The following SPIN1 variants were observed in gnomAD, a reference collection of about 807,000 sequenced individuals.
SPIN1 encodes spindlin 1.
Under a neutral mutation model 26.0 loss-of-function variants are expected in SPIN1, and 3 were observed. The observed-to-expected ratio is 0.12, with a 90% confidence interval of 0.05 to 0.30. The LOEUF (loss-of-function observed/expected upper bound fraction) is 0.30, where lower values mean the gene tolerates loss of function less well. Among genes scored for constraint, SPIN1 ranks in the 10% least tolerant of loss-of-function variants. SPIN1 has a pLI of 1.00. For synonymous variants in SPIN1, 101 were observed against 116.5 expected, an observed-to-expected ratio of 0.87 and a Z score of 0.86; for missense variants, 126 against 333.4, an observed-to-expected ratio of 0.38 and a Z score of 4.84.
intron 1 of SPIN1, among the ~76,000 whole-genome samples, chr9:88,399,681 G>C (rs1052870040): frequency 6.6e-6 from 1 of 152,144 alleles, no homozygotes; most frequent in African/African-American, 2.4e-5. Context: ...CAAGCTGCAG[G>C]GTGGTTGCTT....
At chr9:88,426,146 A>T (rs1253241437) in intron 1 of SPIN1, among the ~76,000 whole-genome samples, 1 of 152,102 alleles carries the variant, frequency 6.6e-6, no homozygotes, top group African/African-American at 2.4e-5. Context: ...GAAGAGCTTC[A>T]CTTTTGGGTC....
At chr9:88,449,226 C>T (rs979709286) in intron 3 of SPIN1, among the ~76,000 whole-genome samples, 5 of 151,936 alleles carry the variant, frequency 3.3e-5, no homozygotes, top group African/African-American at 9.7e-5. Context: ...GGGAACTGGG[C>T]CAATGGAAGG....
At chr9:88,402,307 G>A (rs927471996) in intron 1 of SPIN1, among the ~76,000 whole-genome samples, 2 of 152,006 alleles carry the variant, frequency 1.3e-5, no homozygotes. Context: ...ATTTGTCATT[G>A]CTGTGTGCTG....
Position 88,477,792 on chromosome 9 carries a change from A to C in SPIN1, c.*2515A>C, listed in dbSNP as rs930010581. 6.6e-6 allele frequency: 1 copy of C among 152,536 alleles called. No homozygotes were observed. The highest frequency in any genetic ancestry group is 1.5e-5 in the Non-Finnish European group (1 of 68,038). The allele number at this position is 152,536 out of a possible 1,614,324, so 9.4% of individuals were successfully genotyped here. A position where few individuals can be genotyped will look rare whatever the true frequency, so the allele number is the denominator to read the frequency against. On this transcript the variant is annotated 3_prime_UTR_variant, in exon 6 of 6. Coordinates refer to ENST00000375859, the MANE Select transcript of SPIN1 (RefSeq NM_006717.3). The stretch of plus-strand genomic sequence containing the variant: ...CAATACAAGACATGAATCTATGTAT[A>C]AAATTTATCGGCCTTTCTCATTTAC...
At chr9:88,405,813 T>G (rs1232351417) in intron 1 of SPIN1, among the ~76,000 whole-genome samples, 1 of 151,738 alleles carries the variant, frequency 6.6e-6, no homozygotes, top group South Asian at 2.1e-4. Context: ...CACTAGACAA[T>G]AGGAATTTTT....
chr9:88,394,912 C>G (rs751912612), intron 1 of SPIN1, among the ~76,000 whole-genome samples: 28 of 151,272 alleles, frequency 1.9e-4, no homozygotes, highest in Admixed American at 3.3e-4. Flanking sequence ...CGGGTTCACG[C>G]CATTCTCCTG....
At chr9:88,444,918 TCTC>T (rs1439036396) in intron 2 of SPIN1, among the ~76,000 whole-genome samples, 2 of 151,930 alleles carry the variant, frequency 1.3e-5, no homozygotes, top group African/African-American at 4.8e-5. Flanking sequence ...ATGGTCTCGA[TCTC>T]CTGACCTCGT....
intron 2 of SPIN1, among the ~76,000 whole-genome samples, chr9:88,446,060 A>G (rs896571936): frequency 6.6e-6 from 1 of 152,110 alleles, no homozygotes; most frequent in African/African-American, 2.4e-5. Context: ...TGCTTGTTAT[A>G]TCAACTGCTG....
intron 1 of SPIN1, among the ~76,000 whole-genome samples, chr9:88,424,073 A>G (rs1383046143): frequency 2.0e-5 from 3 of 152,052 alleles, no homozygotes; most frequent in Non-Finnish European, 2.9e-5. Context: ...TGGCCTTTAC[A>G]TCGTGTGTTG....
At chr9:88,415,381 C>G (rs1827539077) in intron 1 of SPIN1, among the ~76,000 whole-genome samples, 2 of 152,070 alleles carry the variant, frequency 1.3e-5, no homozygotes, top group Admixed American at 6.6e-5. Context: ...AAGGCAGAAC[C>G]TACACCAGAG....
chr9:88,424,609 A>T (rs1827732609), intron 1 of SPIN1, among the ~76,000 whole-genome samples: 1 of 152,246 alleles, frequency 6.6e-6, no homozygotes, highest in South Asian at 2.1e-4. Context: ...GTACATTGAT[A>T]CTGGTTGCAT....
intron 4 of SPIN1, among the ~76,000 whole-genome samples, chr9:88,467,354 A>G (rs1179063023): frequency 6.6e-6 from 1 of 152,208 alleles, no homozygotes; most frequent in East Asian, 1.9e-4. Context: ...ATGGGGATGT[A>G]CAAGCAACTA....
intron 2 of SPIN1, among the ~76,000 whole-genome samples, chr9:88,438,150 CA>C (rs201459647): frequency 0.024 from 2,993 of 124,200 alleles, 39 homozygotes; most frequent in African/African-American, 0.048. Context: ...GACCCTGTCT[CA>C]AAAAAAAAAA....
chr9:88,476,409 C>T lies in SPIN1; in HGVS notation c.*1132C>T, dbSNP rs143447187. 367 of 152,354 alleles carry T rather than the reference C, an allele frequency of 2.4e-3. 3 individuals carry two copies. The highest frequency in any genetic ancestry group is 8.3e-3 in the African/African-American group (344 of 41,554). The allele number at this position is 152,354 out of a possible 1,614,324, so 9.4% of individuals were successfully genotyped here. On this transcript the variant is annotated 3_prime_UTR_variant, in exon 6 of 6. Transcript: ENST00000375859. Reference sequence around the variant, plus strand: ...TGATTATGGTCAGAGACTTTCAACCCACCCCTTCCTGCCTACCCCTGGCTT... The same window carrying T: ...TGATTATGGTCAGAGACTTTCAACCTACCCCTTCCTGCCTACCCCTGGCTT...
chr9:88,413,678 G>A (rs1031886244), intron 1 of SPIN1, among the ~76,000 whole-genome samples: 1 of 152,164 alleles, frequency 6.6e-6, no homozygotes, highest in Non-Finnish European at 1.5e-5. Flanking sequence ...CTACAGGTGT[G>A]AGCCACTGTG....
chr9:88,437,452 C>G (rs1429990086), intron 2 of SPIN1, among the ~76,000 whole-genome samples: 1 of 151,572 alleles, frequency 6.6e-6, no homozygotes, highest in Non-Finnish European at 1.5e-5. Flanking sequence ...GAGCACTGAC[C>G]ATGCTACCAC....
At chr9:88,427,450 A>G (rs912843947) in intron 2 of SPIN1, among the ~76,000 whole-genome samples, 2 of 152,002 alleles carry the variant, frequency 1.3e-5, no homozygotes, top group Non-Finnish European at 2.9e-5. Flanking sequence ...AGTCAGATTA[A>G]TTTGGGTTGG....
intron 2 of SPIN1, among the ~76,000 whole-genome samples, chr9:88,436,851 G>A (rs1173842185): frequency 7.6e-6 from 1 of 132,124 alleles, no homozygotes; most frequent in Admixed American, 9.1e-5. Flanking sequence ...TGCAAGCTCC[G>A]CCTCCCGGGT....
At chr9:88,394,947 C>A (rs1827021847) in intron 1 of SPIN1, among the ~76,000 whole-genome samples, 1 of 151,416 alleles carries the variant, frequency 6.6e-6, no homozygotes, top group Non-Finnish European at 1.5e-5. Context: ...GTAGCTGGGA[C>A]TACAGGTGCC....
Sources: gnomAD v4.1 joint callset for allele counts (sites outside exome capture counted in the v4.1 genomes callset) on GRCh38, gnomAD v4.1.1 for gene constraint, MANE v1.5 for transcripts, NCBI Gene and HGNC (gene_info 2026-07-23, HGNC 2026-07-21) for gene names.